VTI1B: variants seen among roughly 807,000 people sequenced by gnomAD.
VTI1B encodes the protein vesicle transport through interaction with t-SNAREs homolog 1B.
Under a neutral mutation model 28.6 loss-of-function variants are expected in VTI1B, and 18 were observed. That is an observed-to-expected ratio of 0.63 (90% CI 0.43 to 0.93). The LOEUF is 0.93. Among genes scored for constraint, VTI1B ranks in the 40% least tolerant of loss-of-function variants. The pLI, the probability that VTI1B is intolerant of heterozygous loss-of-function variation, is 0.00. For missense variants in VTI1B, 283 were observed against 297.0 expected (o/e 0.95, Z 0.35); for synonymous variants, 100 against 107.9 (o/e 0.93, Z 0.46).
chr14:67,670,826 G>A lies in VTI1B; in HGVS notation c.115+3549C>T, dbSNP rs536675307. The stretch of plus-strand genomic sequence containing the variant: ...CCAGCATGAGCCACCGTGCCCGGCC[G>A]TTTGTTTCTTTTTAAGGTAAGAACT... On this transcript the variant is annotated intron_variant, in intron 1 of 5. Transcript: ENST00000554659. Among the ~76,000 whole-genome samples, 8 of 152,064 alleles carry A rather than the reference G, an allele frequency of 5.3e-5. 1 individual carries two copies. In the South Asian group the frequency reaches 1.2e-3, roughly 24 times the overall value.
At position 67,656,582 on chromosome 14, in the gene VTI1B, A is replaced by G; in HGVS notation, c.374T>C (p.Leu125Pro). ...YAVENEHMNR[L>P]QSQRAMLLQG... ...CAGAAGCATTGCCCTTTGAGACTGTAGCCGATTCTGAAAGAAGTATGGAAG... is the reference window on the plus strand; with the variant it reads ...CAGAAGCATTGCCCTTTGAGACTGTGGCCGATTCTGAAAGAAGTATGGAAG... The change falls in exon 4 of 6, where the codon CTA (leucine) becomes CCA (proline). Residue 125 changes from leucine (L) to proline (P), a missense_variant. By Grantham distance (98) the Leu-to-Pro change is moderately conservative. Coordinates refer to ENST00000554659, the MANE Select transcript of VTI1B (RefSeq NM_006370.3). 1 of 1,600,478 alleles carries G rather than the reference A, an allele frequency of 6.2e-7. No individual in the cohort carries two copies. The highest frequency in any genetic ancestry group is 1.1e-5 in the South Asian group (1 of 89,418).
chr14:67,650,440 C>T lies in VTI1B; in HGVS notation c.*945G>A, dbSNP rs145848742. The stretch of plus-strand genomic sequence containing the variant: ...CACCAAGCCTTTTCCTTTTCCAGAA[C>T]GCCTGACAATTATGCCTGTTATGTT... On this transcript the variant is annotated 3_prime_UTR_variant, in exon 6 of 6. Transcript: ENST00000554659. 143 of 419,340 alleles carry T rather than the reference C, an allele frequency of 3.4e-4. 2 individuals carry two copies. The East Asian group carries it at 5.6e-3, about 16-fold the overall frequency. The allele number at this position is 419,340 out of a possible 1,614,324, so 26.0% of individuals were successfully genotyped here.
intron 4 of VTI1B, among the ~76,000 whole-genome samples, chr14:67,654,944 G>A (rs753012658): frequency 9.6e-5 from 14 of 146,024 alleles, no homozygotes; most frequent in Non-Finnish European, 2.1e-4. Flanking sequence ...CAGGAGAATG[G>A]CATGAACCTG....
intron 4 of VTI1B, among the ~76,000 whole-genome samples, chr14:67,655,310 G>A (rs1594834711): frequency 6.6e-6 from 1 of 151,994 alleles, no homozygotes; most frequent in South Asian, 2.1e-4. Context: ...CTGGGTGACA[G>A]AGCAAGACCC....
intron 1 of VTI1B, 124 bp downstream of exon 1, chr14:67,674,251 G>A: frequency 1.1e-6 from 1 of 875,278 alleles, no homozygotes. Context: ...GCCAGCCCTA[G>A]GGGGCGTGTC....
rs1332993706 is a variant in VTI1B, at chr14:67,662,555, T to G, written c.116-20A>C. 2 of 1,593,862 alleles carry G rather than the reference T, an allele frequency of 1.3e-6. No homozygotes were observed. Among genetic ancestry groups the G allele is most frequent in the African/African-American group, 1.4e-5 (1 of 74,058 alleles). ...TTTCTTCTAGAAAAGATAGATAAGTTTCAAATGCTTATTACTGTTTCCACA... is the reference window on the plus strand; with the variant it reads ...TTTCTTCTAGAAAAGATAGATAAGTGTCAAATGCTTATTACTGTTTCCACA... On this transcript the variant is annotated intron_variant, in intron 1 of 5. Coordinates refer to ENST00000554659, the MANE Select transcript of VTI1B (RefSeq NM_006370.3).
chr14:67,656,684 T>C (rs1299825739), intron 3 of VTI1B, 95 bp from the exon 4 acceptor site: 7 of 1,313,306 alleles, frequency 5.3e-6, no homozygotes, highest in South Asian at 1.7e-5. Flanking sequence ...AGAAGGGATA[T>C]AGTGAGCAAT....
Position 67,649,465 on chromosome 14 carries a change from A to C in VTI1B, c.*1920T>G, listed in dbSNP as rs1371984419. ...ATGCTGTCAACTAGATACATAAAGC[A>C]GTTTGCTTAATTTATAGGGTGGCAA... On this transcript the variant is annotated 3_prime_UTR_variant, in exon 6 of 6. Transcript: ENST00000554659. 6.6e-6 allele frequency: 1 copy of C among 152,168 alleles called. No homozygotes were observed. The highest frequency in any genetic ancestry group is 1.5e-5 in the Non-Finnish European group (1 of 68,032). 9.4% of individuals were successfully genotyped at this position (152,168 alleles called of 1,614,324 possible).
At position 67,674,522 on chromosome 14, in the gene VTI1B, G is replaced by A. The variant is rs1000063042; in HGVS notation, c.-33C>T. On this transcript the variant is annotated 5_prime_UTR_variant, in exon 1 of 6. Coordinates refer to ENST00000554659, the MANE Select transcript of VTI1B (RefSeq NM_006370.3). ...GCCGCGCTGGAGCAGCGGCCACCGAGATTCGGGGCCCTGGGCCCTTTCCTA... is the reference window on the plus strand; with the variant it reads ...GCCGCGCTGGAGCAGCGGCCACCGAAATTCGGGGCCCTGGGCCCTTTCCTA... 6.4e-7 allele frequency: 1 copy of A among 1,559,896 alleles called. No individual in the cohort carries two copies. The highest frequency in any genetic ancestry group is 8.7e-7 in the Non-Finnish European group (1 of 1,153,534).
Position 67,651,086 on chromosome 14 carries a change from A to G in VTI1B, c.*299T>C. 1.1e-6 allele frequency: 1 copy of G among 931,008 alleles called. No individual in the cohort carries two copies. The highest frequency in any genetic ancestry group is 1.7e-5 in the South Asian group (1 of 59,060). 57.7% of individuals were successfully genotyped at this position (931,008 alleles called of 1,614,324 possible). On this transcript the variant is annotated 3_prime_UTR_variant, in exon 6 of 6. Coordinates refer to ENST00000554659, the MANE Select transcript of VTI1B (RefSeq NM_006370.3). ...CCCCTCTATTTTGGTGACCAATACT[A>G]CTGTAAATGTATTTGGTTTTTTGCA...
Position 67,647,917 on chromosome 14 carries a change from C to A in VTI1B, c.*3468G>T. 1.1e-6 allele frequency: 1 copy of A among 892,730 alleles called. No homozygotes were observed. The highest frequency in any genetic ancestry group is 1.7e-6 in the Non-Finnish European group (1 of 603,710). The allele number at this position is 892,730 out of a possible 1,614,324, so 55.3% of individuals were successfully genotyped here. ...AATAGGAAGCCTGGAAATGTATTAACAGCTTTATTAACAAAGTACTAGGAC... is the reference window on the plus strand; with the variant it reads ...AATAGGAAGCCTGGAAATGTATTAAAAGCTTTATTAACAAAGTACTAGGAC... On this transcript the variant is annotated 3_prime_UTR_variant, in exon 6 of 6. Coordinates refer to ENST00000554659, the MANE Select transcript of VTI1B (RefSeq NM_006370.3).
At chr14:67,661,672 G>A (rs1451624842) in intron 2 of VTI1B, among the ~76,000 whole-genome samples, 1 of 151,568 alleles carries the variant, frequency 6.6e-6, no homozygotes, top group Non-Finnish European at 1.5e-5. Flanking sequence ...GCTGGGTCCA[G>A]AGGCATGCAC....
At chr14:67,672,123 A>T (rs113715973) in intron 1 of VTI1B, among the ~76,000 whole-genome samples, 8 of 143,522 alleles carry the variant, frequency 5.6e-5, no homozygotes, top group Non-Finnish European at 9.2e-5. Context: ...TGCAGTCTAC[A>T]TTTTTTTTTT....
chr14:67,666,369 T>G (rs1252301364), intron 1 of VTI1B, among the ~76,000 whole-genome samples: 3 of 152,240 alleles, frequency 2.0e-5, no homozygotes, highest in African/African-American at 7.2e-5. Flanking sequence ...CACTAACTTC[T>G]GTGTGCTAGA....
intron 5 of VTI1B, chr14:67,651,742 T>C (rs1347600756): frequency 3.0e-5 from 9 of 302,586 alleles, no homozygotes; most frequent in Non-Finnish European, 5.6e-5. Context: ...TAGTAGTTAC[T>C]TCCTTTAAAA....
In VTI1B at chr14:67,656,629, T is replaced by C. The variant is rs747935373; in HGVS notation, c.367-40A>G. The stretch of plus-strand genomic sequence containing the variant: ...GAAGAGAAATGTTAGACTTTTTCCA[T>C]TATAAATTCATTGCCAGCATATTCC... On this transcript the variant is annotated intron_variant, in intron 3 of 5. Transcript: ENST00000554659. The C allele has an allele frequency of 1.1e-5, 17 of 1,564,174 alleles. No individual in the cohort carries two copies. In the South Asian group the frequency reaches 1.9e-4, roughly 18 times the overall value.
At chr14:67,656,281 A>C (rs1017387650) in intron 4 of VTI1B, 135 bp downstream of exon 4, 127 of 861,068 alleles carry the variant, frequency 1.5e-4, no homozygotes, top group Middle Eastern at 4.1e-4. Flanking sequence ...AAAAATTGAG[A>C]AAAGCATAAG....
intron 3 of VTI1B, 99 bp downstream of exon 3, chr14:67,659,632 G>A: frequency 8.1e-7 from 1 of 1,236,212 alleles, no homozygotes; most frequent in African/African-American, 1.5e-5. Context: ...CAAGAGTCTA[G>A]TATACACTGA....
intron 3 of VTI1B, among the ~76,000 whole-genome samples, chr14:67,657,960 G>A (rs2037285066): frequency 6.6e-6 from 1 of 151,888 alleles, no homozygotes; most frequent in Non-Finnish European, 1.5e-5. Context: ...TGTTGGCCAG[G>A]CTGGTCTCGA....
Sources: allele counts gnomAD v4.1 joint callset (sites outside exome capture counted in the v4.1 genomes callset), GRCh38; gene constraint gnomAD v4.1.1; transcripts MANE v1.5; gene names NCBI Gene and HGNC (gene_info 2026-07-23, HGNC 2026-07-21).